FBXO28: variants seen among roughly 807,000 people sequenced by gnomAD.
The protein encoded by FBXO28 is F-box only protein 28.
Under a neutral mutation model 38.1 loss-of-function variants are expected in FBXO28, and 8 were observed. That is an observed-to-expected ratio of 0.21 (90% CI 0.12 to 0.38). The LOEUF is 0.38. FBXO28 is among the 10% of genes least tolerant of loss of function. FBXO28 has a pLI of 1.00. For synonymous variants in FBXO28, 168 were observed against 173.8 expected, an observed-to-expected ratio of 0.97 and a Z score of 0.26; for missense variants, 345 against 460.6, an observed-to-expected ratio of 0.75 and a Z score of 2.30.
intron 3 of FBXO28, among the ~76,000 whole-genome samples, chr1:224,139,124 T>G (rs1467920916): frequency 6.6e-6 from 1 of 151,710 alleles, no homozygotes; most frequent in East Asian, 1.9e-4. Flanking sequence ...CTGGTAAACC[T>G]TTTGTTCTTA....
At chr1:224,122,388 T>C (rs1385580806) in intron 1 of FBXO28, among the ~76,000 whole-genome samples, 1 of 152,198 alleles carries the variant, frequency 6.6e-6, no homozygotes, top group African/African-American at 2.4e-5. Flanking sequence ...AAAATACTGA[T>C]ATTTTGCCCC....
At chr1:224,157,191 T>C (rs1245193056) in intron 4 of FBXO28, among the ~76,000 whole-genome samples, 161 bp from the exon 5 acceptor site, 1 of 152,116 alleles carries the variant, frequency 6.6e-6, no homozygotes, top group East Asian at 1.9e-4. Context: ...TAAAATAAGG[T>C]GTTAAATTAT....
Position 224,159,522 on chromosome 1 carries a change from A to T in FBXO28, c.*1776A>T, listed in dbSNP as rs1341962925. On this transcript the variant is annotated 3_prime_UTR_variant, in exon 5 of 5. Transcript: ENST00000366862. ...ATGGTTTGTTGGGAAGGTAATTTTA[A>T]AATAAAACAATTTCCAAAAAACATT... 2 of 152,670 alleles carry T rather than the reference A, an allele frequency of 1.3e-5. No individual in the cohort carries two copies. Among genetic ancestry groups the T allele is most frequent in the African/African-American group, 4.8e-5 (2 of 41,456 alleles). The allele number at this position is 152,670 out of a possible 1,614,324, so 9.5% of individuals were successfully genotyped here.
At chr1:224,141,731 A>T (rs115048802) in intron 3 of FBXO28, among the ~76,000 whole-genome samples, 309 of 152,286 alleles carry the variant, frequency 2.0e-3, no homozygotes, top group African/African-American at 7.0e-3. Flanking sequence ...GAAAAGGTAC[A>T]GTAAAAGTAG....
intron 3 of FBXO28, among the ~76,000 whole-genome samples, chr1:224,144,757 TCAAAAAA>T (rs1657457846): frequency 6.6e-6 from 1 of 151,878 alleles, no homozygotes; most frequent in South Asian, 2.1e-4. Flanking sequence ...AGACTCCATC[TCAAAAAA>T]CAAAAAACAA....
intron 4 of FBXO28, among the ~76,000 whole-genome samples, chr1:224,156,814 A>G (rs964348119): frequency 3.3e-5 from 5 of 152,194 alleles, no homozygotes; most frequent in Admixed American, 3.3e-4. Flanking sequence ...CCTGGCTAAC[A>G]TGGTGAAACC....
chr1:224,153,389 G>GT, intron 4 of FBXO28, 52 bp downstream of exon 4: 2 of 1,396,760 alleles, frequency 1.4e-6, no homozygotes, highest in Non-Finnish European at 9.6e-7. Context: ...CTTGCTTCCG[G>GT]TTTTTTTCCA....
At position 224,158,715 on chromosome 1, in the gene FBXO28, A is replaced by G. The variant is rs1178399027; in HGVS notation, c.*969A>G. 1 of 152,242 alleles carries G rather than the reference A, an allele frequency of 6.6e-6. No homozygotes were observed. The highest frequency in any genetic ancestry group is 1.5e-5 in the Non-Finnish European group (1 of 68,030). The allele number at this position is 152,242 out of a possible 1,614,324, so 9.4% of individuals were successfully genotyped here. On this transcript the variant is annotated 3_prime_UTR_variant, in exon 5 of 5. Coordinates refer to ENST00000366862, the MANE Select transcript of FBXO28 (RefSeq NM_015176.4). ...ATCAATATTGGACCTCTGGGAGCTA[A>G]TACTCCTCTTTGCTCACCACCATGT...
At chr1:224,156,863 G>C (rs1358109150) in intron 4 of FBXO28, among the ~76,000 whole-genome samples, 3 of 151,996 alleles carry the variant, frequency 2.0e-5, no homozygotes, top group African/African-American at 4.8e-5. Flanking sequence ...TTAGCCAGGC[G>C]TGGTGGCGGG....
chr1:224,153,185 C>G lies in FBXO28; in HGVS notation c.560C>G (p.Thr187Ser). 6.2e-7 allele frequency: 1 copy of G among 1,608,778 alleles called. No individual in the cohort carries two copies. The highest frequency in any genetic ancestry group is 8.5e-7 in the Non-Finnish European group (1 of 1,178,354). Residue 187 changes from threonine (T) to serine (S), a missense_variant, in exon 4 of 5, where the codon ACC (threonine) becomes AGC (serine). Thr to Ser is a moderately conservative substitution (Grantham distance 58). Transcript: ENST00000366862. ...IYRVLRYVNS[T>S]RAPQRAHEVL... Reference sequence around the variant, plus strand: ...CGTGTGTTGAGATATGTCAATTCTACCAGAGCCCCTCAACGAGCTCATGAA... The same window carrying G: ...CGTGTGTTGAGATATGTCAATTCTAGCAGAGCCCCTCAACGAGCTCATGAA...
intron 3 of FBXO28, among the ~76,000 whole-genome samples, chr1:224,135,208 T>G (rs1400563521): frequency 1.3e-5 from 2 of 152,164 alleles, no homozygotes; most frequent in Admixed American, 1.3e-4. Flanking sequence ...AACTTCAGAG[T>G]GATTCTTATG....
chr1:224,131,213 G>T (rs1657033685), intron 2 of FBXO28, among the ~76,000 whole-genome samples: 1 of 151,666 alleles, frequency 6.6e-6, no homozygotes, highest in Non-Finnish European at 1.5e-5. Context: ...TGTGATAGGG[G>T]TTGACAATAA....
chr1:224,122,105 C>G (rs947065527), intron 1 of FBXO28, among the ~76,000 whole-genome samples: 1 of 152,064 alleles, frequency 6.6e-6, no homozygotes, highest in Non-Finnish European at 1.5e-5. Flanking sequence ...TTAAAGTATT[C>G]TTTTGGAAGA....
At position 224,134,137 on chromosome 1, in the gene FBXO28, A is replaced by T; in HGVS notation, c.441A>T (p.Glu147Asp). 1 of 1,611,574 alleles carries T rather than the reference A, an allele frequency of 6.2e-7. No individual in the cohort carries two copies. Reference protein sequence around the residue: ...ARHADILAAVETRLSLLNMTF... With the variant: ...ARHADILAAVDTRLSLLNMTF... The stretch of plus-strand genomic sequence containing the variant: ...ATGCAGACATTCTTGCTGCTGTTGA[A>T]ACAAGGCTGTCACTATTAAATATGA... The change falls in exon 3 of 5, where the codon GAA becomes GAT. Residue 147 changes from glutamate (E) to aspartate (D), a missense_variant. By Grantham distance (45) the Glu-to-Asp change is conservative. Transcript: ENST00000366862.
intron 3 of FBXO28, among the ~76,000 whole-genome samples, chr1:224,142,854 G>A (rs1054012710): frequency 2.6e-5 from 4 of 152,088 alleles, no homozygotes; most frequent in Admixed American, 6.6e-5. Context: ...GCTGAGGCAC[G>A]AGAATCGCTT....
intron 1 of FBXO28, among the ~76,000 whole-genome samples, chr1:224,117,473 A>G (rs919412814): frequency 7.9e-5 from 12 of 152,016 alleles, no homozygotes; most frequent in Admixed American, 5.9e-4. Flanking sequence ...GCCATTGACT[A>G]TTGATCAAAA....
chr1:224,126,015 C>T (rs911826311), intron 1 of FBXO28, among the ~76,000 whole-genome samples: 15 of 152,230 alleles, frequency 9.9e-5, no homozygotes, highest in Non-Finnish European at 1.5e-5. Context: ...CCACACATCT[C>T]ATCTGTCTTC....
chr1:224,146,753 G>T (rs1366396256), intron 3 of FBXO28, among the ~76,000 whole-genome samples: 1 of 143,698 alleles, frequency 7.0e-6, no homozygotes, highest in Admixed American at 7.6e-5. Flanking sequence ...TGTCGCCCAG[G>T]CTGGAGTGCA....
chr1:224,128,983 C>CAAAAAA (rs11309343), intron 1 of FBXO28, among the ~76,000 whole-genome samples: 1 of 98,140 alleles, frequency 1.0e-5, no homozygotes, highest in Non-Finnish European at 1.9e-5. Flanking sequence ...AAGACCCTGT[C>CAAAAAA]AAAAAAAAAA....
Sources: allele counts gnomAD v4.1 joint callset (sites outside exome capture counted in the v4.1 genomes callset), GRCh38; gene constraint gnomAD v4.1.1; transcripts MANE v1.5; gene names NCBI Gene and HGNC (gene_info 2026-07-23, HGNC 2026-07-21).